Variants in PTPRD observed in about 807,000 individuals in gnomAD.
PTPRD encodes the protein protein tyrosine phosphatase receptor type D, also known as receptor-type tyrosine-protein phosphatase delta.
PTPRD carries 34 observed loss-of-function variants against 214.5 expected under a neutral mutation model. The observed-to-expected ratio is 0.16, with a 90% confidence interval of 0.12 to 0.21. The LOEUF (loss-of-function observed/expected upper bound fraction) is 0.21, where lower values mean the gene tolerates loss of function less well. PTPRD is among the 10% of genes least tolerant of loss of function. The pLI, the probability that PTPRD is intolerant of heterozygous loss-of-function variation, is 1.00. For synonymous variants in PTPRD, 1,128 were observed against 845.7 expected, an observed-to-expected ratio of 1.33 and a Z score of -5.79; for missense variants, 2,545 against 2,398.7, an observed-to-expected ratio of 1.06 and a Z score of -1.27.
At chr9:9,897,899 G>A (rs1288869476) in intron 5 of PTPRD, among the ~76,000 whole-genome samples, 3 of 151,952 alleles carry the variant, frequency 2.0e-5, no homozygotes, top group African/African-American at 4.8e-5. Flanking sequence ...CAGGTCAGAC[G>A]GTCTCTGTTG....
At chr9:10,349,120 C>T (rs141264726) in intron 2 of PTPRD, among the ~76,000 whole-genome samples, 59 of 151,964 alleles carry the variant, frequency 3.9e-4, no homozygotes, top group African/African-American at 1.0e-3. Context: ...CTGAGCAGGA[C>T]GAAGCCATTA....
At chr9:9,900,229 A>T (rs573248549) in intron 5 of PTPRD, among the ~76,000 whole-genome samples, 38 of 152,260 alleles carry the variant, frequency 2.5e-4, no homozygotes, top group Admixed American at 9.2e-4. Context: ...AAAAGTTCCA[A>T]CTTTAAATCA....
intron 8 of PTPRD, among the ~76,000 whole-genome samples, chr9:9,493,584 C>G (rs186381211): frequency 3.6e-4 from 54 of 151,908 alleles, no homozygotes; most frequent in African/African-American, 1.3e-3. Context: ...GTCAGGAGAT[C>G]GAGACCATTC....
intron 8 of PTPRD, among the ~76,000 whole-genome samples, chr9:9,570,423 G>A (rs981326808): frequency 7.9e-5 from 12 of 151,404 alleles, no homozygotes; most frequent in Non-Finnish European, 1.8e-4. Context: ...AATTTAACTG[G>A]CATCAATTAC....
At chr9:9,027,582 T>C (rs2099591437) in intron 10 of PTPRD, among the ~76,000 whole-genome samples, 1 of 151,952 alleles carries the variant, frequency 6.6e-6, no homozygotes, top group Non-Finnish European at 1.5e-5. Flanking sequence ...TTCCAGTTAT[T>C]GTACTGCATA....
At chr9:10,087,386 T>C (rs1414811491) in intron 3 of PTPRD, among the ~76,000 whole-genome samples, 1 of 151,698 alleles carries the variant, frequency 6.6e-6, no homozygotes, top group Admixed American at 6.6e-5. Context: ...GTATTATTAC[T>C]AGATGTTCCA....
chr9:8,441,213 A>T (rs2095536580), intron 34 of PTPRD, among the ~76,000 whole-genome samples: 1 of 152,152 alleles, frequency 6.6e-6, no homozygotes, highest in Admixed American at 6.5e-5. Flanking sequence ...TCCAGAAAGA[A>T]CAGTAATTCT....
At chr9:9,278,634 A>C (rs1345210313) in intron 9 of PTPRD, among the ~76,000 whole-genome samples, 1 of 151,336 alleles carries the variant, frequency 6.6e-6, no homozygotes, top group Non-Finnish European at 1.5e-5. Flanking sequence ...AGAGGGCAAC[A>C]TTACAGTATG....
At chr9:10,047,039 C>T (rs1384633224) in intron 3 of PTPRD, among the ~76,000 whole-genome samples, 1 of 151,838 alleles carries the variant, frequency 6.6e-6, no homozygotes, top group African/African-American at 2.4e-5. Flanking sequence ...TGTTTTACTA[C>T]ATAAACATCT....
At chr9:8,337,494 A>G (rs1352160928) in intron 43 of PTPRD, among the ~76,000 whole-genome samples, 1 of 152,084 alleles carries the variant, frequency 6.6e-6, no homozygotes, top group Non-Finnish European at 1.5e-5. Flanking sequence ...AGAAATACCT[A>G]ATGTAGATGA....
intron 5 of PTPRD, among the ~76,000 whole-genome samples, chr9:9,876,049 A>G (rs908103146): frequency 5.3e-5 from 8 of 152,064 alleles, no homozygotes; most frequent in Non-Finnish European, 1.0e-4. Context: ...GCAAAGAAGG[A>G]AGGAATAAAG....
At chr9:10,443,775 C>T (rs1424092230) in intron 2 of PTPRD, among the ~76,000 whole-genome samples, 1 of 150,894 alleles carries the variant, frequency 6.6e-6, no homozygotes, top group African/African-American at 2.4e-5. Context: ...AAGTGCCTGG[C>T]TTCAGAAGAT....
chr9:9,665,281 G>A (rs181799986), intron 7 of PTPRD, among the ~76,000 whole-genome samples: 9 of 151,714 alleles, frequency 5.9e-5, no homozygotes, highest in Admixed American at 4.6e-4. Flanking sequence ...TAGAAACACG[G>A]CATAAATACA....
At chr9:8,467,027 T>A (rs1458950846) in intron 31 of PTPRD, among the ~76,000 whole-genome samples, 1 of 151,884 alleles carries the variant, frequency 6.6e-6, no homozygotes, top group African/African-American at 2.4e-5. Context: ...GTAAATGTGT[T>A]CAGCTGGTTC....
Position 8,786,948 on chromosome 9 carries a change from AG to A in PTPRD, c.-103-53003del, listed in dbSNP as rs1254420680. On this transcript the variant is annotated intron_variant, in intron 11 of 45. Transcript: ENST00000381196. ...GAGACAGGGTCTCACTCTGCTGCCC[AG>A]GCTGCAGTGTAGTGGCAGCTGGGAC... Among the ~76,000 whole-genome samples the A allele has an allele frequency of 2.3e-4, 35 of 151,898 alleles. No homozygotes were observed. The South Asian group carries it at 7.3e-3, about 32-fold the overall frequency.
chr9:10,263,185 C>T (rs570464234), intron 3 of PTPRD, among the ~76,000 whole-genome samples: 1 of 152,228 alleles, frequency 6.6e-6, no homozygotes, highest in African/African-American at 2.4e-5. Flanking sequence ...CAAACCAATA[C>T]AGTAAATTGG....
chr9:8,902,103 T>A (rs2098673692), intron 11 of PTPRD, among the ~76,000 whole-genome samples: 1 of 151,284 alleles, frequency 6.6e-6, no homozygotes. Context: ...TCTATTACTG[T>A]ATTATCATAT....
intron 3 of PTPRD, among the ~76,000 whole-genome samples, chr9:10,041,983 A>G (rs558386443): frequency 2.1e-4 from 32 of 152,186 alleles, no homozygotes; most frequent in African/African-American, 7.5e-4. Context: ...GTAAAGCAGC[A>G]TCTGCAGTAC....
At chr9:8,526,959 TA>T (rs78858971) in intron 16 of PTPRD, among the ~76,000 whole-genome samples, 110 of 150,736 alleles carry the variant, frequency 7.3e-4, no homozygotes, top group African/African-American at 1.6e-3. Context: ...TCATATCTCT[TA>T]AAAAAAAACT....
Sources: allele counts gnomAD v4.1 joint callset (sites outside exome capture counted in the v4.1 genomes callset), GRCh38; gene constraint gnomAD v4.1.1; transcripts MANE v1.5; gene names NCBI Gene and HGNC (gene_info 2026-07-23, HGNC 2026-07-21).